Variants in CNOT4 observed in about 807,000 individuals in gnomAD.
CNOT4 encodes the protein CCR4-NOT transcription complex subunit 4, also known as CCR4-associated factor 4.
Under a neutral mutation model 73.8 loss-of-function variants are expected in CNOT4, and 8 were observed. That is an observed-to-expected ratio of 0.11 (90% CI 0.06 to 0.20). CNOT4 has a LOEUF of 0.20. Among genes scored for constraint, CNOT4 ranks in the 10% least tolerant of loss-of-function variants. The pLI is 1.00. For synonymous variants in CNOT4, 293 were observed against 321.1 expected (o/e 0.91, Z 0.94); for missense variants, 564 against 883.4 (o/e 0.64, Z 4.58).
chr7:135,504,484 T>TC (rs869094074), intron 1 of CNOT4, among the ~76,000 whole-genome samples: 2 of 67,032 alleles, frequency 3.0e-5, no homozygotes, highest in Non-Finnish European at 5.7e-5. Context: ...TTTTTTTTTT[T>TC]TTTTTATTTT....
At chr7:135,474,045 T>G (rs1193729464) in intron 1 of CNOT4, among the ~76,000 whole-genome samples, 3 of 149,378 alleles carry the variant, frequency 2.0e-5, no homozygotes, top group African/African-American at 7.4e-5. Flanking sequence ...AATGGTGCAA[T>G]CTCAGCTCAC....
intron 1 of CNOT4, among the ~76,000 whole-genome samples, chr7:135,506,936 G>A (rs973393032): frequency 2.0e-5 from 3 of 151,992 alleles, no homozygotes; most frequent in African/African-American, 7.3e-5. Context: ...TTATTAAACT[G>A]AAGAATATGG....
chr7:135,443,145 G>T (rs1206617781), intron 1 of CNOT4, among the ~76,000 whole-genome samples: 1 of 149,320 alleles, frequency 6.7e-6, no homozygotes, highest in Non-Finnish European at 1.5e-5. Flanking sequence ...GAGGCCAAAA[G>T]TTCAAGACCT....
At chr7:135,468,430 G>A (rs951509600) in intron 1 of CNOT4, among the ~76,000 whole-genome samples, 4 of 151,910 alleles carry the variant, frequency 2.6e-5, no homozygotes, top group African/African-American at 9.7e-5. Context: ...CCTGTAGTCC[G>A]AACACTTTGG....
At chr7:135,455,999 T>TA (rs1800507310) in intron 1 of CNOT4, among the ~76,000 whole-genome samples, 1 of 152,234 alleles carries the variant, frequency 6.6e-6, no homozygotes, top group Non-Finnish European at 1.5e-5. Context: ...AACCCCCATT[T>TA]AAAAATGTAA....
chr7:135,399,204 C>T (rs1039448112), intron 7 of CNOT4, among the ~76,000 whole-genome samples: 1 of 151,994 alleles, frequency 6.6e-6, no homozygotes, highest in African/African-American at 2.4e-5. Flanking sequence ...TGATGGGATA[C>T]ATTTTGAGAC....
chr7:135,454,942 C>A (rs1028153328), intron 1 of CNOT4, among the ~76,000 whole-genome samples: 3 of 152,072 alleles, frequency 2.0e-5, no homozygotes, highest in Admixed American at 2.0e-4. Flanking sequence ...CAAATATACA[C>A]AACACTAGGT....
At chr7:135,460,423 T>C (rs972983580) in intron 1 of CNOT4, among the ~76,000 whole-genome samples, 3 of 152,198 alleles carry the variant, frequency 2.0e-5, no homozygotes, top group Non-Finnish European at 2.9e-5. Context: ...TTTGAACACT[T>C]AGAAAATGAC....
intron 3 of CNOT4, among the ~76,000 whole-genome samples, chr7:135,420,113 G>A (rs989040076): frequency 6.6e-6 from 1 of 151,912 alleles, no homozygotes; most frequent in Non-Finnish European, 1.5e-5. Flanking sequence ...ATCATATTCA[G>A]TCTATGCCTT....
intron 5 of CNOT4, 127 bp from the exon 6 acceptor site, chr7:135,413,740 GGC>G: frequency 1.3e-6 from 1 of 774,934 alleles, no homozygotes. Flanking sequence ...CAAAAAGTAT[GGC>G]TGCAAATACT....
chr7:135,447,298 A>G (rs967341857), intron 1 of CNOT4, among the ~76,000 whole-genome samples: 6 of 152,218 alleles, frequency 3.9e-5, no homozygotes, highest in Admixed American at 2.0e-4. Context: ...AAATATCAGC[A>G]CTAATACTTA....
chr7:135,366,750 T>G (rs1794939967), intron 10 of CNOT4, among the ~76,000 whole-genome samples: 1 of 152,200 alleles, frequency 6.6e-6, no homozygotes, highest in African/African-American at 2.4e-5. Flanking sequence ...CCATCTAGCT[T>G]AGAAGAAAAG....
chr7:135,364,099 A>T lies in CNOT4; in HGVS notation c.1628-33T>A, dbSNP rs768025295. ...ATTTACCAACAAAAAAATGAAAGAT[A>T]AAAAAAAATAAAAAGCTACGTTAGA... On this transcript the variant is annotated intron_variant, in intron 10 of 11. Coordinates refer to ENST00000541284, the MANE Select transcript of CNOT4 (RefSeq NM_001190850.2). This position sits in a 1 kb window ranked among gnomAD's most constrained non-coding sequence, Gnocchi z 4.3. The T allele has an allele frequency of 2.3e-6, 3 of 1,319,596 alleles. No homozygotes were observed. Among genetic ancestry groups the T allele is most frequent in the South Asian group, 1.3e-5 (1 of 74,530 alleles). 81.7% of individuals were successfully genotyped at this position (1,319,596 alleles called of 1,614,324 possible). A position where few individuals can be genotyped will look rare whatever the true frequency, so the allele number is the denominator to read the frequency against.
Position 135,362,756 on chromosome 7 carries a change from A to G in CNOT4, c.*129T>C. ...TCGCATTGCATCTGGGGTTAGGGAG[A>G]AAAAAAATTGATCAGGTACTGGATT... On this transcript the variant is annotated 3_prime_UTR_variant, in exon 12 of 12. Transcript: ENST00000541284. 2 of 900,178 alleles carry G rather than the reference A, an allele frequency of 2.2e-6. No individual in the cohort carries two copies. Among genetic ancestry groups the G allele is most frequent in the Middle Eastern group, 2.1e-4 (1 of 4,702 alleles). 55.8% of individuals were successfully genotyped at this position (900,178 alleles called of 1,614,324 possible).
At chr7:135,460,258 C>G (rs1434669339) in intron 1 of CNOT4, among the ~76,000 whole-genome samples, 1 of 152,202 alleles carries the variant, frequency 6.6e-6, no homozygotes, top group Non-Finnish European at 1.5e-5. Context: ...CAATTTCCCT[C>G]AAGTTTTCCT....
intron 1 of CNOT4, among the ~76,000 whole-genome samples, chr7:135,480,979 C>T (rs535572948): frequency 2.6e-4 from 36 of 139,298 alleles, no homozygotes; most frequent in East Asian, 1.5e-3. Context: ...AACGTAAGAC[C>T]AAAAATATAA....
chr7:135,394,579 T>C (rs1563022961), intron 9 of CNOT4, among the ~76,000 whole-genome samples, 164 bp from the exon 10 acceptor site: 1 of 152,156 alleles, frequency 6.6e-6, no homozygotes, highest in Non-Finnish European at 1.5e-5. Context: ...ACAAAAGGCC[T>C]TATGTACTTC....
At chr7:135,365,698 C>T (rs1374321785) in intron 10 of CNOT4, among the ~76,000 whole-genome samples, 1 of 152,130 alleles carries the variant, frequency 6.6e-6, no homozygotes, top group Non-Finnish European at 1.5e-5. Flanking sequence ...CAGGGGAAGA[C>T]CCATGATTGA....
chr7:135,475,814 A>G (rs1329818435), intron 1 of CNOT4, among the ~76,000 whole-genome samples: 1 of 152,146 alleles, frequency 6.6e-6, no homozygotes, highest in East Asian at 1.9e-4. Context: ...AGGAGTCTGA[A>G]GTGGGAGGAC....
Sources: gnomAD v4.1 joint callset for allele counts (sites outside exome capture counted in the v4.1 genomes callset) on GRCh38, gnomAD v4.1.1 for gene constraint, Gnocchi (gnomAD v3.1) non-coding constraint, MANE v1.5 for transcripts, NCBI Gene and HGNC (gene_info 2026-07-23, HGNC 2026-07-21) for gene names.